MAGI2: variants seen among roughly 807,000 people sequenced by gnomAD.
MAGI2 encodes membrane associated guanylate kinase, WW and PDZ domain containing 2.
A neutral mutation model predicts 133.3 loss-of-function variants in MAGI2; 35 were observed. The ratio of observed to expected loss-of-function variants is 0.26; its 90% confidence interval spans 0.20 to 0.35. The LOEUF (loss-of-function observed/expected upper bound fraction) is 0.35. Ranked by LOEUF, MAGI2 falls within the 10% of genes least tolerant of loss-of-function variation. MAGI2 has a pLI of 1.00. For synonymous variants in MAGI2, 729 were observed against 710.6 expected (o/e 1.03, Z -0.41); for missense variants, 1,636 against 1,863.4 (o/e 0.88, Z 2.25).
At chr7:78,465,979 C>T (rs1476800637) in intron 6 of MAGI2, among the ~76,000 whole-genome samples, 1 of 152,154 alleles carries the variant, frequency 6.6e-6, no homozygotes, top group African/African-American at 2.4e-5. Flanking sequence ...AAGGGGCTGT[C>T]TTACCTATAG....
At chr7:79,026,732 G>A (rs928925916) in intron 1 of MAGI2, among the ~76,000 whole-genome samples, 6 of 151,974 alleles carry the variant, frequency 3.9e-5, no homozygotes, top group Admixed American at 2.6e-4. Flanking sequence ...AACTTAGTCC[G>A]GTGTGTTGGT....
At chr7:79,198,242 G>C (rs1015339850) in intron 1 of MAGI2, among the ~76,000 whole-genome samples, 2 of 149,708 alleles carry the variant, frequency 1.3e-5, no homozygotes, top group Non-Finnish European at 2.9e-5. Flanking sequence ...GACAGAGTGA[G>C]ACCGTGTTCA....
chr7:78,762,307 G>T (rs751540368), intron 2 of MAGI2, among the ~76,000 whole-genome samples: 1 of 151,954 alleles, frequency 6.6e-6, no homozygotes, highest in Admixed American at 6.6e-5. Context: ...GCCGGGCGTG[G>T]TGGTGCACAC....
rs137916085 is a variant in MAGI2, at chr7:78,894,482, A to T, written c.418+112608T>A. ...TAAAAAATAACATTTTCTAAAGGAA[A>T]AATAATTAGTCTTCATGTACCTGTG... is the stretch of plus-strand genomic sequence containing the variant. On this transcript the variant is annotated intron_variant, in intron 2 of 21. Coordinates refer to ENST00000354212, the MANE Select transcript of MAGI2 (RefSeq NM_012301.4). 1.3e-3 allele frequency among the ~76,000 whole-genome samples: 197 copies of T among 152,328 alleles called. 2 individuals are homozygous for T. Among genetic ancestry groups the T allele is most frequent in the South Asian group, 7.2e-3 (35 of 4,834 alleles).
intron 3 of MAGI2, among the ~76,000 whole-genome samples, chr7:78,557,097 A>AAAAAAAAAAAAAAGAAAG (rs1554473311): frequency 2.9e-5 from 4 of 139,008 alleles, no homozygotes; most frequent in African/African-American, 8.9e-5. Context: ...AAAAAAAAAA[A>AAAAAAAAAAAAAAGAAAG]AAAGAAAAAG....
chr7:78,502,574 T>C (rs1317141025), intron 4 of MAGI2, among the ~76,000 whole-genome samples: 2 of 111,274 alleles, frequency 1.8e-5, no homozygotes, highest in African/African-American at 3.2e-5. Context: ...TATATTGTTA[T>C]GATTATTCTA....
chr7:78,385,356 A>G (rs1170917213), intron 6 of MAGI2, among the ~76,000 whole-genome samples: 1 of 152,154 alleles, frequency 6.6e-6, no homozygotes, highest in Non-Finnish European at 1.5e-5. Context: ...TCCTTGTTCC[A>G]GGTGGAGATA....
Position 79,324,723 on chromosome 7 carries a change from AAT to A in MAGI2, c.301+128295_301+128296del, listed in dbSNP as rs1292208283. Among the ~76,000 whole-genome samples the A allele has an allele frequency of 8.8e-5, 4 of 45,620 alleles. 1 individual carries two copies. The highest frequency in any genetic ancestry group is 8.2e-4 in the East Asian group (2 of 2,430). The allele number at this position is 45,620 out of a possible 152,430, so 29.9% of individuals were successfully genotyped here. On this transcript the variant is annotated intron_variant, in intron 1 of 21. Coordinates refer to ENST00000354212, the MANE Select transcript of MAGI2 (RefSeq NM_012301.4). ...ATATATATATTATATATGTATATAA[AAT>A]ATATATATATTATATATATATATAT...
intron 2 of MAGI2, among the ~76,000 whole-genome samples, chr7:78,983,322 A>G (rs1804947883): frequency 6.6e-6 from 1 of 151,996 alleles, no homozygotes. Flanking sequence ...TATATAGACT[A>G]TAATTTTCTA....
At position 79,155,885 on chromosome 7, in the gene MAGI2, A is replaced by T. The variant is rs550026475; in HGVS notation, c.302-148679T>A. On this transcript the variant is annotated intron_variant, in intron 1 of 21. Transcript: ENST00000354212. Reference sequence around the variant, plus strand: ...AAAACATTAAAAAAATGTTATACTGATGGAAGTATAAGTGAAGAAGCATCA... The same window carrying T: ...AAAACATTAAAAAAATGTTATACTGTTGGAAGTATAAGTGAAGAAGCATCA... Among the ~76,000 whole-genome samples, 9 of 152,256 alleles carry T rather than the reference A, an allele frequency of 5.9e-5. 1 individual carries two copies. In the South Asian group the frequency reaches 1.9e-3, roughly 32 times the overall value.
chr7:78,096,129 T>C (rs1817668158), intron 20 of MAGI2, among the ~76,000 whole-genome samples: 1 of 152,252 alleles, frequency 6.6e-6, no homozygotes, highest in Non-Finnish European at 1.5e-5. Flanking sequence ...CTTTTAGTTG[T>C]TATTGTTTAT....
chr7:78,702,439 A>G (rs1010264700), intron 2 of MAGI2, among the ~76,000 whole-genome samples: 2 of 151,992 alleles, frequency 1.3e-5, no homozygotes, highest in African/African-American at 4.8e-5. Context: ...TCTTGTTTAT[A>G]GTCACTAAAT....
chr7:79,157,804 CT>C (rs1395864291), intron 1 of MAGI2, among the ~76,000 whole-genome samples: 8 of 148,762 alleles, frequency 5.4e-5, no homozygotes, highest in Non-Finnish European at 7.4e-5. Context: ...TTCAAATCTA[CT>C]GTTGCTTTTC....
In MAGI2 at chr7:78,978,942, A is replaced by T. The variant is rs73703741; in HGVS notation, c.418+28148T>A. Among the ~76,000 whole-genome samples, 597 of 151,970 alleles carry T rather than the reference A, an allele frequency of 3.9e-3. 2 individuals carry two copies. The highest frequency in any genetic ancestry group is 0.014 in the African/African-American group (566 of 41,520). On this transcript the variant is annotated intron_variant, in intron 2 of 21. Coordinates refer to ENST00000354212, the MANE Select transcript of MAGI2 (RefSeq NM_012301.4). Reference sequence around the variant, plus strand: ...GAACAACTGAATAAATGAATGGTGGATGGTGAGAGCCAGGTTTTCACTGTT... The same window carrying T: ...GAACAACTGAATAAATGAATGGTGGTTGGTGAGAGCCAGGTTTTCACTGTT...
chr7:78,766,368 T>C (rs1216293538), intron 2 of MAGI2, among the ~76,000 whole-genome samples: 1 of 152,170 alleles, frequency 6.6e-6, no homozygotes, highest in Non-Finnish European at 1.5e-5. Flanking sequence ...AAAAGTGATC[T>C]CTTATTTAAT....
At chr7:79,361,202 T>C (rs1842355719) in intron 1 of MAGI2, among the ~76,000 whole-genome samples, 1 of 152,180 alleles carries the variant, frequency 6.6e-6, no homozygotes, top group African/African-American at 2.4e-5. Flanking sequence ...ACAATAGACC[T>C]TTAATGAATG....
At chr7:78,929,990 T>C (rs576061211) in intron 2 of MAGI2, among the ~76,000 whole-genome samples, 1 of 152,162 alleles carries the variant, frequency 6.6e-6, no homozygotes, top group South Asian at 2.1e-4. Context: ...TCCTTTTAAT[T>C]TGGGGCTGGG....
chr7:78,081,540 A>T (rs1214058359), intron 20 of MAGI2, among the ~76,000 whole-genome samples: 3 of 152,130 alleles, frequency 2.0e-5, no homozygotes, highest in Admixed American at 6.5e-5. Flanking sequence ...GTGGTGACAT[A>T]TCGGTTGAGT....
At position 78,532,665 on chromosome 7, in the gene MAGI2, C is replaced by T. The variant is rs539545282; in HGVS notation, c.539-11020G>A. Among the ~76,000 whole-genome samples the T allele has an allele frequency of 3.5e-4, 54 of 152,282 alleles. 1 individual carries two copies. The highest frequency in any genetic ancestry group is 9.2e-4 in the Admixed American group (14 of 15,284). ...GATCTGTGTGACACAAACATAAAGC[C>T]TACGTGTTAGAGTATGGTTAACATT... is the stretch of plus-strand genomic sequence containing the variant. On this transcript the variant is annotated intron_variant, in intron 3 of 21. Coordinates refer to ENST00000354212, the MANE Select transcript of MAGI2 (RefSeq NM_012301.4).
Sources: allele counts gnomAD v4.1 joint callset (sites outside exome capture counted in the v4.1 genomes callset), GRCh38; gene constraint gnomAD v4.1.1; transcripts MANE v1.5; gene names NCBI Gene and HGNC (gene_info 2026-07-23, HGNC 2026-07-21).